Variants in DACT2 observed in about 807,000 individuals in gnomAD.
DACT2 encodes dishevelled binding antagonist of beta catenin 2, also known as dapper homolog 2.
DACT2 carries 20 observed loss-of-function variants against 22.2 expected under a neutral mutation model. The observed-to-expected ratio is 0.90, with a 90% confidence interval of 0.63 to 1.31. DACT2 has a LOEUF of 1.31. Ranked by LOEUF, DACT2 falls within the 50% of genes most tolerant of loss-of-function variation. The probability of loss-of-function intolerance (pLI) is 0.00; values close to 1 mark genes in which losing one functional copy is unlikely to be tolerated. For synonymous variants in DACT2, 463 were observed against 479.8 expected (o/e 0.96, Z 0.46); for missense variants, 1,048 against 1,061.4 (o/e 0.99, Z 0.18).
intron 2 of DACT2, 80 bp from the exon 3 acceptor site, chr6:168,310,526 G>T (rs774751440): frequency 2.1e-4 from 317 of 1,497,048 alleles, no homozygotes; most frequent in Non-Finnish European, 2.3e-4. Context: ...GCTTGTCACG[G>T]CACAGGTGGG....
In DACT2 at chr6:168,310,296, C is replaced by T. The variant is rs901226641; in HGVS notation, c.530G>A (p.Arg177Gln). The change falls in exon 3 of 4, where the codon CGG becomes CAG. Residue 177 changes from arginine (R) to glutamine (Q), a missense_variant. Transcript: ENST00000366795. ...TGGCACAGTAGTCTCATCAACCGAC[C>T]GGGGCCTCCAGTCCCCCATGCTGGG... ...ARPSMGDWRP[R>Q]SVDETTVPAW... 29 of 1,551,488 alleles carry T rather than the reference C, an allele frequency of 1.9e-5. No individual in the cohort carries two copies. In the Admixed American group the frequency reaches 2.2e-4, roughly 12 times the overall value.
intron 1 of DACT2, 51 bp from the exon 2 acceptor site, chr6:168,311,335 A>G (rs1483894724): frequency 2.7e-6 from 4 of 1,490,684 alleles, no homozygotes; most frequent in Non-Finnish European, 3.6e-6. Context: ...GGAAAGCAAA[A>G]CTTAAGGCTC....
At chr6:168,306,822 C>T (rs888036986), downstream of DACT2, 8 of 938,896 alleles carry the variant, frequency 8.5e-6, no homozygotes, top group African/African-American at 7.1e-5. Context: ...CCGCCCAAAG[C>T]TGGCACGTGC....
At chr6:168,299,648 A>T (rs920072633) in intron 3 of DACT2, 2 of 152,226 alleles carry the variant, frequency 1.3e-5, no homozygotes, top group Non-Finnish European at 2.9e-5. Flanking sequence ...GCCAGCAGAC[A>T]CACAGGCCGC....
rs777792822 is a variant in DACT2 at position 168,309,676 on chromosome 6, G to C, written c.658+492C>G. ...CTGCAGATGCCCTGGAGGAAACCAC[G>C]GGGCTTCTCAGTAAGAAAAGACCAA... On this transcript the variant is annotated intron_variant, in intron 3 of 3. Transcript: ENST00000366795. Among the ~76,000 whole-genome samples, 9 of 152,206 alleles carry C rather than the reference G, an allele frequency of 5.9e-5. No individual in the cohort carries two copies. The East Asian group carries it at 7.7e-4, about 13-fold the overall frequency.
intron 1 of DACT2, among the ~76,000 whole-genome samples, chr6:168,314,271 C>A (rs142794252): frequency 6.6e-6 from 1 of 152,166 alleles, no homozygotes; most frequent in Non-Finnish European, 1.5e-5. Flanking sequence ...TAACTCCAGG[C>A]GGCCTTGCTC....
Position 168,307,834 on chromosome 6 carries a change from G to A in DACT2, c.1923C>T (p.Gly641=), listed in dbSNP as rs1489343291. The A allele has an allele frequency of 1.3e-6, 2 of 1,538,278 alleles. No individual in the cohort carries two copies. The highest frequency in any genetic ancestry group is 8.7e-7 in the Non-Finnish European group (1 of 1,145,076). ...GTGAGGGACGGCCCCGGGCCAGTGG[G>A]CCACCTGCTCTCCTGGCCACGGGCC... ...PPRPVARRAG[G]PLARGRPSLV... is the part of the protein sequence containing the mutation. The change falls in exon 4 of 4, where the codon GGC becomes GGT. Residue 641 remains glycine (G), a synonymous_variant. Coordinates refer to ENST00000366795, the MANE Select transcript of DACT2 (RefSeq NM_214462.5). The surrounding 1 kb of genome is among the most constrained non-coding windows in gnomAD (Gnocchi z 5.3).
chr6:168,311,120 C>T (rs763977992), intron 2 of DACT2, 32 bp downstream of exon 2: 1 of 1,499,698 alleles, frequency 6.7e-7, no homozygotes, highest in African/African-American at 1.4e-5. Context: ...CGTGCCTGCC[C>T]CTGTGTCCGG....
chr6:168,315,406 A>G (rs1779518041), intron 1 of DACT2, among the ~76,000 whole-genome samples: 1 of 152,174 alleles, frequency 6.6e-6, no homozygotes, highest in African/African-American at 2.4e-5. Context: ...GTTTCCTCAC[A>G]GACATACATG....
At chr6:168,294,577 G>GTATATATATATATATATATATATATATA (rs1554269708) in intron 4 of DACT2, 1 of 114,780 alleles carries the variant, frequency 8.7e-6, no homozygotes, top group African/African-American at 5.7e-5. Flanking sequence ...GTGTGTGTGT[G>GTATATATATATATATATATATATATATA]TATATATATA....
chr6:168,294,648 AG>A lies in DACT2; in HGVS notation c.714del (p.Ser239ProfsTer4). 6.8e-7 allele frequency: 1 copy of A among 1,475,990 alleles called. No individual in the cohort carries two copies. Among genetic ancestry groups the A allele is most frequent in the African/African-American group, 1.5e-5 (1 of 67,038 alleles). The allele number at this position is 1,475,990 out of a possible 1,614,324, so 91.4% of individuals were successfully genotyped here. On this transcript the variant is annotated frameshift_variant, in exon 4 of 6. Transcript: ENST00000366796. LOFTEE classifies it high-confidence loss of function. ...CCTTCCCTACCTGTCAGTGAACTGGAGGTGCAGCCTGCAGGCGGAGCATGCA... is the reference window on the plus strand; with the variant it reads ...CCTTCCCTACCTGTCAGTGAACTGGAGTGCAGCCTGCAGGCGGAGCATGCA...
At chr6:168,311,598 A>C (rs905427500) in intron 1 of DACT2, among the ~76,000 whole-genome samples, 3 of 79,688 alleles carry the variant, frequency 3.8e-5, no homozygotes, top group African/African-American at 8.4e-5. Context: ...ACACACACAT[A>C]CACACACACT....
chr6:168,296,971 T>C (rs1279198146), intron 3 of DACT2, among the ~76,000 whole-genome samples: 1 of 151,502 alleles, frequency 6.6e-6, no homozygotes, highest in Non-Finnish European at 1.5e-5. Context: ...AATGAGAAAA[T>C]GGGGGAAAAG....
At position 168,308,936 on chromosome 6, in the gene DACT2, G is replaced by A. The variant is rs1026339645; in HGVS notation, c.821C>T (p.Pro274Leu). 9.0e-6 allele frequency: 14 copies of A among 1,550,034 alleles called. No individual in the cohort carries two copies. The East Asian group carries it at 1.5e-4, about 16-fold the overall frequency. ...CACGGCGTGCAGGGGGCTGGGGTACGGGTACACCTCCCTGCCGCCCTGGGA... is the reference window on the plus strand; with the variant it reads ...CACGGCGTGCAGGGGGCTGGGGTACAGGTACACCTCCCTGCCGCCCTGGGA... ...LVSQGGREVY[P>L]YPSPLHAVAL... The change falls in exon 4 of 4, where the codon CCG becomes CTG. Residue 274 changes from proline to leucine, a missense_variant. Transcript: ENST00000366795.
In DACT2 at chr6:168,308,088, G is replaced by A; in HGVS notation, c.1669C>T (p.Pro557Ser). The change falls in exon 4 of 4, where the codon CCC (proline) becomes TCC (serine). Residue 557 changes from proline (P) to serine (S), a missense_variant. Physicochemically the swap from Pro to Ser is moderately conservative, Grantham distance 74 (BLOSUM62 -1). Coordinates refer to ENST00000366795, the MANE Select transcript of DACT2 (RefSeq NM_214462.5). Reference sequence around the variant, plus strand: ...GTGGACTCAGAACAGGAGCGCCCGGGTGCCTCCCAGGCCAGGGCTGGCCTC... The same window carrying A: ...GTGGACTCAGAACAGGAGCGCCCGGATGCCTCCCAGGCCAGGGCTGGCCTC... ...QRRPALAWEA[P>S]GRSCSESTLY... The A allele has an allele frequency of 1.3e-6, 2 of 1,544,782 alleles. No homozygotes were observed. Among genetic ancestry groups the A allele is most frequent in the African/African-American group, 1.4e-5 (1 of 73,000 alleles).
At chr6:168,304,246 T>G (rs1452248783), downstream of DACT2, among the ~76,000 whole-genome samples, 8 of 152,250 alleles carry the variant, frequency 5.3e-5, no homozygotes, top group Non-Finnish European at 1.2e-4. Flanking sequence ...TGGTTACAAT[T>G]ATGTCTGTTT....
At chr6:168,315,375 G>C (rs1052549162) in intron 1 of DACT2, among the ~76,000 whole-genome samples, 1 of 152,042 alleles carries the variant, frequency 6.6e-6, no homozygotes, top group Non-Finnish European at 1.5e-5. Context: ...GGGAATGGCC[G>C]GCACTTCTTG....
Position 168,308,464 on chromosome 6 carries a change from A to T in DACT2, c.1293T>A (p.Cys431Ter), listed in dbSNP as rs1020527741. 1.3e-6 allele frequency: 2 copies of T among 1,551,586 alleles called. No individual in the cohort carries two copies. The stretch of plus-strand genomic sequence containing the variant: ...CCTGCACCATGGTCTCCCTGAGGAC[A>T]CAGCTGTTTGAGGGCTTGGAGCCCT... ...PEEGSKPSNS[C>*]VLRETMVQAS... The change falls in exon 4 of 4, where the codon TGT becomes TGA. Residue 431 changes from cysteine to a stop codon, truncating the protein, a stop_gained. Coordinates refer to ENST00000366795, the MANE Select transcript of DACT2 (RefSeq NM_214462.5). LOFTEE classifies it low-confidence loss of function (END_TRUNC).
downstream of DACT2, among the ~76,000 whole-genome samples, chr6:168,305,365 G>A (rs1390670991): frequency 1.3e-5 from 2 of 152,102 alleles, no homozygotes; most frequent in Non-Finnish European, 2.9e-5. Flanking sequence ...GACGGGCACT[G>A]TCAGAAAACC....
Sources: allele counts gnomAD v4.1 joint callset (sites outside exome capture counted in the v4.1 genomes callset), GRCh38; gene constraint gnomAD v4.1.1; non-coding constraint Gnocchi (gnomAD v3.1); transcripts MANE v1.5; gene names NCBI Gene and HGNC (gene_info 2026-07-23, HGNC 2026-07-21).